SLC36A1: variants seen among roughly 807,000 people sequenced by gnomAD.
SLC36A1 encodes the protein proton-coupled amino acid transporter 1.
A neutral mutation model predicts 47.5 loss-of-function variants in SLC36A1; 30 were observed. The observed-to-expected ratio is 0.63, with a 90% CI of 0.47 to 0.86. The LOEUF is 0.86. SLC36A1 is among the 40% of genes least tolerant of loss of function. SLC36A1 has a pLI of 0.00. For synonymous variants in SLC36A1, 255 were observed against 249.7 expected, an observed-to-expected ratio of 1.02 and a Z score of -0.20; for missense variants, 517 against 606.0, an observed-to-expected ratio of 0.85 and a Z score of 1.54.
At chr5:151,478,305 G>C (rs1561776724) in intron 9 of SLC36A1, among the ~76,000 whole-genome samples, 1 of 152,220 alleles carries the variant, frequency 6.6e-6, no homozygotes, top group Non-Finnish European at 1.5e-5. Context: ...CTTAGGGACA[G>C]AGACCTTTCC....
At chr5:151,371,406 C>G in the SLC36A1 span, among the ~76,000 whole-genome samples, 3 of 152,188 alleles carry the variant, frequency 2.0e-5, no homozygotes, top group Non-Finnish European at 4.4e-5. Flanking sequence ...CCCCCTAGCC[C>G]TAGACACACA....
At chr5:151,414,392 A>G in the SLC36A1 span, among the ~76,000 whole-genome samples, 2 of 147,466 alleles carry the variant, frequency 1.4e-5, no homozygotes, top group African/African-American at 5.4e-5. Context: ...GCATATAGAG[A>G]GAAGTAAAAG....
At chr5:151,534,659 CA>C in the SLC36A1 span, 1 of 1,595,802 alleles carries the variant, frequency 6.3e-7, no homozygotes, top group Non-Finnish European at 8.6e-7. Flanking sequence ...GGAGAAATGA[CA>C]AAAGTTGAGC....
At chr5:151,525,620 T>C in the SLC36A1 span, 1 of 786,624 alleles carries the variant, frequency 1.3e-6, no homozygotes, top group Admixed American at 2.3e-5. Flanking sequence ...GTTATGAGGC[T>C]TTAGTCCTGA....
intron 10 of SLC36A1, 72 bp from the exon 11 acceptor site, chr5:151,487,911 C>T (rs1759776026): frequency 4.6e-6 from 7 of 1,536,464 alleles, no homozygotes; most frequent in East Asian, 2.3e-5. Flanking sequence ...ATGCTGAATT[C>T]GCTCAACAGT....
the SLC36A1 span, among the ~76,000 whole-genome samples, chr5:151,555,367 CTTTTTTTT>C: frequency 1.6e-5 from 2 of 123,108 alleles, no homozygotes; most frequent in Non-Finnish European, 3.3e-5. Flanking sequence ...TAATATATTT[CTTTTTTTT>C]TTTTTTTTTT....
downstream of SLC36A1, among the ~76,000 whole-genome samples, chr5:151,495,317 A>G (rs1361112377): frequency 2.6e-5 from 4 of 152,150 alleles, no homozygotes; most frequent in African/African-American, 7.2e-5. Context: ...TCAGTCATCT[A>G]CTTCTTTTGA....
chr5:151,474,178 A>AAAAGAG (rs776318482), intron 8 of SLC36A1, among the ~76,000 whole-genome samples: 3 of 119,016 alleles, frequency 2.5e-5, no homozygotes, highest in South Asian at 5.6e-4. Flanking sequence ...AAAAAAAAAA[A>AAAAGAG]AGAAATTATC....
At chr5:151,549,323 A>G in the SLC36A1 span, 1 of 1,613,358 alleles carries the variant, frequency 6.2e-7, no homozygotes, top group Non-Finnish European at 8.5e-7. Flanking sequence ...GGACCTCAGC[A>G]TTGACTCCCC....
At chr5:151,544,978 C>G in the SLC36A1 span, 1 of 1,614,172 alleles carries the variant, frequency 6.2e-7, no homozygotes, top group Non-Finnish European at 8.5e-7. Flanking sequence ...CTGAGCCACC[C>G]GCTGAGGTGT....
chr5:151,444,155 T>A (rs1401730960), upstream of SLC36A1, among the ~76,000 whole-genome samples: 1 of 152,208 alleles, frequency 6.6e-6, no homozygotes, highest in Non-Finnish European at 1.5e-5. Flanking sequence ...TCAGGGTCTT[T>A]TGTGGTCTCA....
chr5:151,463,901 T>C (rs1188395707), intron 3 of SLC36A1, among the ~76,000 whole-genome samples: 1 of 152,226 alleles, frequency 6.6e-6, no homozygotes, highest in African/African-American at 2.4e-5. Context: ...TACTTCATGG[T>C]GGAGAGGATG....
At chr5:151,415,457 C>T in the SLC36A1 span, among the ~76,000 whole-genome samples, 25,493 of 152,012 alleles carry the variant, frequency 0.17, 2,384 homozygotes, top group East Asian at 0.38. Flanking sequence ...TGATACCTTT[C>T]CCTAGGCAGT....
intron 1 of SLC36A1, among the ~76,000 whole-genome samples, chr5:151,453,773 T>C (rs1754021984): frequency 6.6e-6 from 1 of 151,800 alleles, no homozygotes; most frequent in Non-Finnish European, 1.5e-5. Context: ...TTTCTGGCCT[T>C]GCCTTAAAAA....
At chr5:151,534,447 G>T in the SLC36A1 span, 3 of 1,613,350 alleles carry the variant, frequency 1.9e-6, no homozygotes, top group East Asian at 2.2e-5. Context: ...AGCCACAGGG[G>T]TCTTCACTGT....
At chr5:151,354,328 T>C in the SLC36A1 span, among the ~76,000 whole-genome samples, 1 of 152,118 alleles carries the variant, frequency 6.6e-6, no homozygotes, top group Non-Finnish European at 1.5e-5. Context: ...ACAAACAAAT[T>C]AAGCTACTAT....
the SLC36A1 span, chr5:151,525,838 G>T: frequency 6.2e-7 from 1 of 1,613,988 alleles, no homozygotes; most frequent in Non-Finnish European, 8.5e-7. Context: ...CCATCCATCC[G>T]GGGTCACTCG....
the SLC36A1 span, among the ~76,000 whole-genome samples, chr5:151,420,425 C>T: frequency 6.6e-6 from 1 of 152,166 alleles, no homozygotes; most frequent in South Asian, 2.1e-4. Context: ...CCTCCTGACT[C>T]CCATAACAGT....
the SLC36A1 span, among the ~76,000 whole-genome samples, chr5:151,527,542 A>G: frequency 3.9e-5 from 6 of 152,088 alleles, no homozygotes; most frequent in Non-Finnish European, 8.8e-5. Flanking sequence ...CTGGAGTCAG[A>G]CAGAAATAGG....
Sources: allele counts gnomAD v4.1 joint callset (sites outside exome capture counted in the v4.1 genomes callset), GRCh38; gene constraint gnomAD v4.1.1; transcripts MANE v1.5; gene names NCBI Gene and HGNC (gene_info 2026-07-23, HGNC 2026-07-21).